RALGAPA2: variants seen among roughly 807,000 people sequenced by gnomAD.
RALGAPA2 encodes ral GTPase-activating protein subunit alpha-2.
In RALGAPA2, 139 loss-of-function variants were observed where a neutral mutation model predicts 230.4. The ratio of observed to expected loss-of-function variants is 0.60; its 90% CI spans 0.53 to 0.69. The LOEUF is 0.69. RALGAPA2 is among the 30% of genes least tolerant of loss of function. RALGAPA2 has a pLI of 0.00. For missense variants in RALGAPA2, 2,163 were observed against 2,276.0 expected (o/e 0.95, Z 1.01); for synonymous variants, 847 against 837.8 (o/e 1.01, Z -0.19).
chr20:20,691,359 T>G (rs1022277393), intron 1 of RALGAPA2, among the ~76,000 whole-genome samples: 1 of 152,166 alleles, frequency 6.6e-6, no homozygotes, highest in Non-Finnish European at 1.5e-5. Context: ...TCTTTCTCCC[T>G]CTAACGTATT....
At chr20:20,707,442 T>G (rs923347755) in intron 1 of RALGAPA2, among the ~76,000 whole-genome samples, 1 of 152,032 alleles carries the variant, frequency 6.6e-6, no homozygotes, top group African/African-American at 2.4e-5. Flanking sequence ...GAACAAAATT[T>G]CACAATCCAG....
chr20:20,479,463 A>G (rs2061725537), intron 36 of RALGAPA2, among the ~76,000 whole-genome samples: 2 of 152,244 alleles, frequency 1.3e-5, no homozygotes, highest in African/African-American at 2.4e-5. Flanking sequence ...GTATATCCCA[A>G]GAATACAATT....
chr20:20,688,202 A>T (rs1341522792), intron 1 of RALGAPA2, among the ~76,000 whole-genome samples: 2 of 152,076 alleles, frequency 1.3e-5, no homozygotes, highest in Admixed American at 1.3e-4. Flanking sequence ...ACAGACTTTA[A>T]AATGTCTCCT....
At chr20:20,517,230 T>C (rs552859665) in intron 31 of RALGAPA2, among the ~76,000 whole-genome samples, 1 of 152,130 alleles carries the variant, frequency 6.6e-6, no homozygotes, top group South Asian at 2.1e-4. Context: ...ACATCCCTCA[T>C]CCCTACAGAT....
At chr20:20,464,722 T>A (rs1427151604) in intron 37 of RALGAPA2, among the ~76,000 whole-genome samples, 1 of 152,206 alleles carries the variant, frequency 6.6e-6, no homozygotes, top group Non-Finnish European at 1.5e-5. Context: ...GATTTCCATA[T>A]AAATGTGCTT....
rs1376424896 is a variant in RALGAPA2, at chr20:20,398,334, T to C, written c.5618-1600A>G. Among the ~76,000 whole-genome samples, 1 of 152,152 alleles carries C rather than the reference T, an allele frequency of 6.6e-6. No individual in the cohort carries two copies. Among genetic ancestry groups the C allele is most frequent in the Non-Finnish European group, 1.5e-5 (1 of 68,028 alleles). The stretch of plus-strand genomic sequence containing the variant: ...CGCAGCTAACAATGGAGGACTTGTT[T>C]GTAATTGCTGATGAGGACTGGGTTG... On this transcript the variant is annotated intron_variant, in intron 38 of 39. Transcript: ENST00000202677. This position sits in a 1 kb window ranked among gnomAD's most constrained non-coding sequence, Gnocchi z 4.5.
In RALGAPA2 at chr20:20,620,644, A is replaced by G; in HGVS notation, c.1234-14T>C. On this transcript the variant is annotated splice_polypyrimidine_tract_variant and intron_variant, in intron 10 of 39. Transcript: ENST00000202677. ...CAACAAAAATGCCTGAAAGGAAAAG[A>G]GAAAACTCCCTTTAACTACAAACAC... The G allele has an allele frequency of 6.3e-7, 1 of 1,597,202 alleles. No homozygotes were observed. Among genetic ancestry groups the G allele is most frequent in the Non-Finnish European group, 8.5e-7 (1 of 1,171,632 alleles).
At chr20:20,639,948 T>C in intron 6 of RALGAPA2, 48 bp from the exon 7 acceptor site, 2 of 1,401,464 alleles carry the variant, frequency 1.4e-6, no homozygotes, top group Non-Finnish European at 2.0e-6. Context: ...AGTTAAATTT[T>C]AAACAGAATT....
intron 11 of RALGAPA2, among the ~76,000 whole-genome samples, chr20:20,620,182 T>A (rs1227474069): frequency 6.6e-6 from 1 of 152,234 alleles, no homozygotes; most frequent in Non-Finnish European, 1.5e-5. Flanking sequence ...ATGTAAAATA[T>A]GATGGCTTAT....
intron 4 of RALGAPA2, among the ~76,000 whole-genome samples, chr20:20,644,969 C>G (rs1054684776): frequency 3.9e-5 from 6 of 152,198 alleles, no homozygotes; most frequent in African/African-American, 1.4e-4. Context: ...AGTTCTCTTT[C>G]CAGCCATCTG....
chr20:20,704,368 T>C (rs1259500412), intron 1 of RALGAPA2, among the ~76,000 whole-genome samples: 1 of 152,142 alleles, frequency 6.6e-6, no homozygotes, highest in East Asian at 1.9e-4. Context: ...TAAAAAAATA[T>C]AAAAGTCAAA....
intron 4 of RALGAPA2, among the ~76,000 whole-genome samples, chr20:20,648,710 G>A (rs938157471): frequency 6.6e-6 from 1 of 151,850 alleles, no homozygotes; most frequent in African/African-American, 2.4e-5. Flanking sequence ...GGCTAGGAGA[G>A]AACAAAGCCA....
chr20:20,475,942 G>A (rs1194287491), intron 36 of RALGAPA2, among the ~76,000 whole-genome samples: 1 of 152,122 alleles, frequency 6.6e-6, no homozygotes, highest in East Asian at 1.9e-4. Flanking sequence ...ATTTCTGAAT[G>A]TTAGCAACCA....
chr20:20,689,503 A>G (rs1166195754), intron 1 of RALGAPA2, among the ~76,000 whole-genome samples: 14 of 152,188 alleles, frequency 9.2e-5, no homozygotes, highest in Non-Finnish European at 2.9e-5. Context: ...TCAGCTGGGC[A>G]TGGTGGTGCA....
At chr20:20,506,517 A>G (rs2062539973) in intron 33 of RALGAPA2, among the ~76,000 whole-genome samples, 2 of 152,176 alleles carry the variant, frequency 1.3e-5, no homozygotes, top group South Asian at 4.1e-4. Flanking sequence ...CGAATCATTC[A>G]TTCCCTAGCC....
intron 37 of RALGAPA2, among the ~76,000 whole-genome samples, chr20:20,455,214 AG>A (rs1456304760): frequency 6.6e-6 from 1 of 152,218 alleles, no homozygotes; most frequent in Non-Finnish European, 1.5e-5. Context: ...GACTTGCTGC[AG>A]GCTGCCACGG....
chr20:20,639,491 C>T (rs1380359198), intron 7 of RALGAPA2, among the ~76,000 whole-genome samples: 1 of 152,168 alleles, frequency 6.6e-6, no homozygotes, highest in Non-Finnish European at 1.5e-5. Context: ...ACCTGTTCAG[C>T]CTCTGGGCCC....
intron 20 of RALGAPA2, among the ~76,000 whole-genome samples, chr20:20,576,661 C>G (rs2064828552): frequency 6.6e-6 from 1 of 151,906 alleles, no homozygotes; most frequent in Non-Finnish European, 1.5e-5. Flanking sequence ...TTCAAGGTAA[C>G]ATAAGGTAGA....
chr20:20,414,816 G>A (rs781502133), intron 37 of RALGAPA2, among the ~76,000 whole-genome samples: 6 of 152,122 alleles, frequency 3.9e-5, no homozygotes, highest in Non-Finnish European at 7.4e-5. Flanking sequence ...GCATGCCCCC[G>A]ACTGTCACAC....
Sources: allele counts gnomAD v4.1 joint callset (sites outside exome capture counted in the v4.1 genomes callset), GRCh38; gene constraint gnomAD v4.1.1; non-coding constraint Gnocchi (gnomAD v3.1); transcripts MANE v1.5; gene names NCBI Gene and HGNC (gene_info 2026-07-23, HGNC 2026-07-21).